The following SLC68A1 variants were observed in gnomAD, a reference collection of about 807,000 sequenced individuals.
SLC68A1 encodes major facilitator superfamily domain containing 13A.
chr10:102,466,689 G>A, the SLC68A1 span, among the ~76,000 whole-genome samples: 1 of 152,202 alleles, frequency 6.6e-6, no homozygotes, highest in South Asian at 2.1e-4. Context: ...GTGGGTGCAG[G>A]GAGGTGGCTG....
At chr10:102,473,583 C>T in the SLC68A1 span, 17 of 1,608,774 alleles carry the variant, frequency 1.1e-5, no homozygotes, top group South Asian at 3.3e-5. Context: ...TCTCCTATGT[C>T]GCTCCCCATC....
the SLC68A1 span, chr10:102,469,183 T>C: frequency 6.2e-7 from 1 of 1,614,104 alleles, no homozygotes; most frequent in Non-Finnish European, 8.5e-7. Context: ...CAAAATGGCC[T>C]TCTGGGTCGG....
the SLC68A1 span, chr10:102,472,829 C>T: frequency 1.3e-6 from 2 of 1,597,360 alleles, no homozygotes; most frequent in African/African-American, 2.7e-5. Flanking sequence ...CTGGAAGCCT[C>T]CTCACCATCC....
the SLC68A1 span, chr10:102,476,016 C>T: frequency 1.4e-6 from 2 of 1,392,714 alleles, no homozygotes; most frequent in South Asian, 1.6e-5. Context: ...ACTGAGGATG[C>T]TGCTGGCAGC....
At chr10:102,473,917 C>T in the SLC68A1 span, 1 of 1,613,954 alleles carries the variant, frequency 6.2e-7, no homozygotes, top group Non-Finnish European at 8.5e-7. Flanking sequence ...AAGCAGGCAG[C>T]CTCGGCACTC....
At chr10:102,463,628 G>A in the SLC68A1 span, among the ~76,000 whole-genome samples, 2 of 151,204 alleles carry the variant, frequency 1.3e-5, no homozygotes, top group South Asian at 4.2e-4. Flanking sequence ...GGCAGGGTGT[G>A]GGGGGGATGA....
chr10:102,468,959 G>C, the SLC68A1 span: 1 of 1,387,008 alleles, frequency 7.2e-7, no homozygotes, highest in Non-Finnish European at 9.9e-7. Context: ...CCCCAGGGAC[G>C]AGGATGGGAA....
chr10:102,470,923 C>T, the SLC68A1 span: 30 of 1,613,176 alleles, frequency 1.9e-5, no homozygotes, highest in African/African-American at 5.3e-5. Flanking sequence ...CCCTCTTCAG[C>T]GCGGCCGGCT....
chr10:102,467,711 C>T, the SLC68A1 span, among the ~76,000 whole-genome samples: 1 of 151,956 alleles, frequency 6.6e-6, no homozygotes, highest in Non-Finnish European at 1.5e-5. Flanking sequence ...GGCTAGAGTG[C>T]GTTGGCGCAA....
the SLC68A1 span, among the ~76,000 whole-genome samples, chr10:102,472,673 T>C: frequency 1.3e-5 from 2 of 152,182 alleles, no homozygotes; most frequent in Non-Finnish European, 2.9e-5. Flanking sequence ...GCACCAGGAA[T>C]GTGGTTTTAG....
the SLC68A1 span, chr10:102,461,416 A>G: frequency 1.3e-5 from 2 of 152,262 alleles, no homozygotes; most frequent in African/African-American, 2.4e-5. Flanking sequence ...GGCTCCCGCC[A>G]GCCGTGGGAT....
At chr10:102,472,775 G>A in the SLC68A1 span, 3 of 1,027,128 alleles carry the variant, frequency 2.9e-6, no homozygotes, top group East Asian at 2.4e-5. Context: ...TGGGGGGGAT[G>A]TGTGTTCCCC....
the SLC68A1 span, among the ~76,000 whole-genome samples, chr10:102,474,893 C>T: frequency 6.6e-6 from 1 of 151,920 alleles, no homozygotes; most frequent in East Asian, 2.0e-4. Flanking sequence ...GGTGATCCAC[C>T]CACCTTGGCC....
chr10:102,476,585 G>T, the SLC68A1 span: 5 of 986,072 alleles, frequency 5.1e-6, no homozygotes, highest in East Asian at 2.3e-4. Flanking sequence ...TAGCTCCTGG[G>T]GCTGAGCCAG....
the SLC68A1 span, chr10:102,470,659 C>T: frequency 7.7e-5 from 124 of 1,603,224 alleles, no homozygotes; most frequent in South Asian, 7.3e-4. Flanking sequence ...CTCCTTTCCC[C>T]GGCAGGTCAG....
chr10:102,472,338 C>CTG, the SLC68A1 span: 1 of 265,856 alleles, frequency 3.8e-6, no homozygotes, highest in Non-Finnish European at 7.3e-6. Context: ...TCTAGGCTCA[C>CTG]TGCAACCTCT....
chr10:102,465,130 C>T, the SLC68A1 span, among the ~76,000 whole-genome samples: 2 of 151,742 alleles, frequency 1.3e-5, no homozygotes, highest in South Asian at 2.1e-4. Context: ...TGGTGGCGTG[C>T]GCCTGTAAAT....
the SLC68A1 span, among the ~76,000 whole-genome samples, chr10:102,470,236 T>C: frequency 6.6e-6 from 1 of 151,996 alleles, no homozygotes; most frequent in Non-Finnish European, 1.5e-5. Flanking sequence ...TCTGTTTGGG[T>C]TGGAGAGGTG....
At chr10:102,471,315 C>T in the SLC68A1 span, 6 of 1,613,878 alleles carry the variant, frequency 3.7e-6, 1 homozygote, top group South Asian at 3.3e-5. Flanking sequence ...AGGAGGCGGA[C>T]AGCATCACCT....
Sources: allele counts gnomAD v4.1 joint callset (sites outside exome capture counted in the v4.1 genomes callset), GRCh38; gene constraint gnomAD v4.1.1; transcripts MANE v1.5; gene names NCBI Gene and HGNC (gene_info 2026-07-23, HGNC 2026-07-21).